Variants in DNAI7 observed in about 807,000 individuals in gnomAD.
The protein encoded by DNAI7 is cancer susceptibility 1.
In DNAI7, 78 loss-of-function variants were observed where a neutral mutation model predicts 86.6. The observed-to-expected ratio is 0.90, with a 90% CI of 0.75 to 1.09. The LOEUF (loss-of-function observed/expected upper bound fraction) is 1.09, where lower values mean the gene tolerates loss of function less well. DNAI7 is among the 50% of genes least tolerant of loss of function. The pLI is 0.00. For synonymous variants in DNAI7, 274 were observed against 273.0 expected (o/e 1.00, Z -0.04); for missense variants, 753 against 810.2 (o/e 0.93, Z 0.86).
chr12:25,120,003 C>T (rs1186998572), intron 11 of DNAI7, among the ~76,000 whole-genome samples: 1 of 152,114 alleles, frequency 6.6e-6, no homozygotes, highest in Non-Finnish European at 1.5e-5. Flanking sequence ...AAGGAGGACT[C>T]TTTGGGTTCA....
At position 25,144,347 on chromosome 12, in the gene DNAI7, T is replaced by C; in HGVS notation, c.1002+18A>G. 2 of 1,582,430 alleles carry C rather than the reference T, an allele frequency of 1.3e-6. No individual in the cohort carries two copies. Among genetic ancestry groups the C allele is most frequent in the Middle Eastern group, 1.7e-4 (1 of 5,956 alleles). On this transcript the variant is annotated intron_variant, in intron 9 of 15. Coordinates refer to ENST00000395987, the MANE Select transcript of DNAI7 (RefSeq NM_018272.5). ...TGCTGCATGAATAAAAAAATGTGTA[T>C]ATTTAAATGTGTCCTACCATTTTCA...
At position 25,139,230 on chromosome 12, in the gene DNAI7, TA is replaced by T. The variant is rs201356342; in HGVS notation, c.1002+5134del. ...ATGGTAATTAAAAAAAAATTACCAATAAAAAAAAAGTCCAGAACCAGATGGA... is the reference window on the plus strand; with the variant it reads ...ATGGTAATTAAAAAAAAATTACCAATAAAAAAAAGTCCAGAACCAGATGGA... On this transcript the variant is annotated intron_variant, in intron 9 of 15. Transcript: ENST00000395987. Among the ~76,000 whole-genome samples, 1,383 of 150,114 alleles carry T rather than the reference TA, an allele frequency of 9.2e-3. 19 individuals carry two copies. Among genetic ancestry groups the T allele is most frequent in the African/African-American group, 0.031 (1,288 of 40,954 alleles).
intron 4 of DNAI7, among the ~76,000 whole-genome samples, chr12:25,156,586 C>T (rs775880592): frequency 6.6e-6 from 1 of 151,966 alleles, no homozygotes; most frequent in Non-Finnish European, 1.5e-5. Flanking sequence ...ATTAAAAATA[C>T]GAAAATTAGC....
At chr12:25,167,775 A>AC in intron 2 of DNAI7, among the ~76,000 whole-genome samples, 1 of 151,944 alleles carries the variant, frequency 6.6e-6, no homozygotes, top group South Asian at 2.1e-4. Context: ...GCAAGCTGCC[A>AC]CCCTCCTCCG....
intron 6 of DNAI7, among the ~76,000 whole-genome samples, chr12:25,152,916 C>T (rs896941621): frequency 6.6e-6 from 1 of 152,168 alleles, no homozygotes; most frequent in Non-Finnish European, 1.5e-5. Flanking sequence ...CTTGAGCTTC[C>T]TGAATGTGAG....
chr12:25,158,344 T>C, intron 4 of DNAI7, 128 bp downstream of exon 4: 1 of 669,218 alleles, frequency 1.5e-6, no homozygotes, highest in South Asian at 2.0e-5. Flanking sequence ...ACTTATTCTA[T>C]GGTACGATTA....
intron 2 of DNAI7, among the ~76,000 whole-genome samples, chr12:25,171,653 G>C (rs1386445237): frequency 6.6e-6 from 1 of 151,962 alleles, no homozygotes; most frequent in Non-Finnish European, 1.5e-5. Flanking sequence ...CCAAAATCAG[G>C]AAAGGACATA....
chr12:25,111,741 C>A, intron 14 of DNAI7, 31 bp downstream of exon 14: 3 of 1,434,536 alleles, frequency 2.1e-6, no homozygotes, highest in Non-Finnish European at 2.8e-6. Context: ...TAAATGCACG[C>A]CACATTAAAT....
At chr12:25,169,847 CAAAAA>C (rs1173396136) in intron 2 of DNAI7, among the ~76,000 whole-genome samples, 3 of 66,710 alleles carry the variant, frequency 4.5e-5, no homozygotes, top group African/African-American at 7.8e-5. Flanking sequence ...GACTCTGTCT[CAAAAA>C]AAAAAAAAAA....
intron 6 of DNAI7, among the ~76,000 whole-genome samples, chr12:25,150,411 T>C (rs1001325700): frequency 2.6e-5 from 4 of 151,990 alleles, no homozygotes; most frequent in African/African-American, 9.7e-5. Context: ...AAGACTATCC[T>C]GGCTAACACA....
Position 25,108,408 on chromosome 12 carries a change from TTGAGTAGAA to T in DNAI7, c.*131_*139del, listed in dbSNP as rs1254037420. On this transcript the variant is annotated 3_prime_UTR_variant, in exon 16 of 16. Coordinates refer to ENST00000395987, the MANE Select transcript of DNAI7 (RefSeq NM_018272.5). ...AAAAATACTGTTTTTAAAATAAAAC[TTGAGTAGAA>T]AATGCAGATTAGAAAATTTTTAATA... The T allele has an allele frequency of 1.4e-6, 1 of 729,246 alleles. No individual in the cohort carries two copies. Among genetic ancestry groups the T allele is most frequent in the African/African-American group, 1.8e-5 (1 of 55,854 alleles). The allele number at this position is 729,246 out of a possible 1,614,324, so 45.2% of individuals were successfully genotyped here.
intron 9 of DNAI7, among the ~76,000 whole-genome samples, chr12:25,128,927 C>T (rs998848935): frequency 2.0e-5 from 3 of 152,280 alleles, no homozygotes; most frequent in East Asian, 3.9e-4. Flanking sequence ...CCTCTAATGG[C>T]TCCCCACTAC....
intron 9 of DNAI7, among the ~76,000 whole-genome samples, chr12:25,124,445 C>T (rs868741977): frequency 2.6e-5 from 4 of 152,016 alleles, no homozygotes; most frequent in Admixed American, 6.6e-5. Flanking sequence ...TAAGGAACTT[C>T]CAGACTATTA....
At chr12:25,165,032 G>C (rs2141073125) in intron 2 of DNAI7, among the ~76,000 whole-genome samples, 1 of 152,196 alleles carries the variant, frequency 6.6e-6, no homozygotes, top group Admixed American at 6.5e-5. Flanking sequence ...ATAGTGTTTA[G>C]GCTTTTTTCA....
At chr12:25,189,881 C>A (rs946614222) in intron 2 of DNAI7, among the ~76,000 whole-genome samples, 1 of 151,810 alleles carries the variant, frequency 6.6e-6, no homozygotes, top group Non-Finnish European at 1.5e-5. Context: ...TTCAGCCCAG[C>A]CAATTGTTGC....
chr12:25,125,241 G>A (rs562923626), intron 9 of DNAI7, among the ~76,000 whole-genome samples: 2 of 152,276 alleles, frequency 1.3e-5, no homozygotes, highest in South Asian at 2.1e-4. Flanking sequence ...CACCAACAGT[G>A]TATAAGTGTT....
rs536153491 is a variant in DNAI7 at position 25,108,471 on chromosome 12, T to C, written c.*77A>G. 2 of 1,225,702 alleles carry C rather than the reference T, an allele frequency of 1.6e-6. No homozygotes were observed. The highest frequency in any genetic ancestry group is 2.4e-5 in the East Asian group (1 of 41,238). 75.9% of individuals were successfully genotyped at this position (1,225,702 alleles called of 1,614,324 possible). A position where few individuals can be genotyped will look rare whatever the true frequency, so the allele number is the denominator to read the frequency against. ...GATTTGAAATGTATTCATTCACTCA[T>C]TACATTGTGTTGCAGAAATACCTGT... On this transcript the variant is annotated 3_prime_UTR_variant, in exon 16 of 16. Transcript: ENST00000395987.
intron 9 of DNAI7, 92 bp from the exon 10 acceptor site, chr12:25,123,378 G>A (rs1565653001): frequency 5.5e-6 from 4 of 731,794 alleles, no homozygotes; most frequent in South Asian, 2.5e-5. Context: ...TCAGATGCCT[G>A]CTACCTTAAT....
intron 3 of DNAI7, 46 bp from the exon 4 acceptor site, chr12:25,158,609 A>G: frequency 6.4e-7 from 1 of 1,565,248 alleles, no homozygotes; most frequent in Non-Finnish European, 8.7e-7. Context: ...AGATCACTGT[A>G]TTTTTAAGCC....
Sources: allele counts gnomAD v4.1 joint callset (sites outside exome capture counted in the v4.1 genomes callset), GRCh38; gene constraint gnomAD v4.1.1; transcripts MANE v1.5; gene names NCBI Gene and HGNC (gene_info 2026-07-23, HGNC 2026-07-21).